The following MALRD1 variants were observed in gnomAD, a reference collection of about 807,000 sequenced individuals.
MALRD1 encodes MAM and LDL-receptor class A domain-containing protein 1.
In MALRD1, 247 loss-of-function variants were observed where a neutral mutation model predicts 242.1. The ratio of observed to expected loss-of-function variants is 1.02; its 90% confidence interval spans 0.92 to 1.13. The LOEUF (loss-of-function observed/expected upper bound fraction) is 1.13. Ranked by LOEUF, MALRD1 falls within the 50% of genes most tolerant of loss-of-function variation. MALRD1 has a pLI of 0.00. For synonymous variants in MALRD1, 995 were observed against 866.6 expected, an observed-to-expected ratio of 1.15 and a Z score of -2.60; for missense variants, 2,989 against 2,533.1, an observed-to-expected ratio of 1.18 and a Z score of -3.86.
chr10:19,138,998 C>T (rs1010831596), intron 10 of MALRD1, among the ~76,000 whole-genome samples: 4 of 152,190 alleles, frequency 2.6e-5, no homozygotes, highest in Admixed American at 2.6e-4. Flanking sequence ...AATAGTGTAA[C>T]CTCATTTGTC....
At chr10:19,190,844 A>G (rs1192569408) in intron 14 of MALRD1, among the ~76,000 whole-genome samples, 1 of 152,154 alleles carries the variant, frequency 6.6e-6, no homozygotes, top group Non-Finnish European at 1.5e-5. Context: ...ACCTAAAACT[A>G]TAAAACTCTT....
intron 2 of MALRD1, among the ~76,000 whole-genome samples, chr10:19,081,533 A>AT (rs1311356743): frequency 5.3e-5 from 8 of 152,122 alleles, no homozygotes; most frequent in Non-Finnish European, 1.2e-4. Flanking sequence ...CAAATACCAC[A>AT]TGTTCTCACT....
At chr10:19,273,960 C>T (rs1840378222) in intron 19 of MALRD1, among the ~76,000 whole-genome samples, 1 of 152,070 alleles carries the variant, frequency 6.6e-6, no homozygotes, top group Non-Finnish European at 1.5e-5. Flanking sequence ...AGGATGGCCA[C>T]TATCCAAATA....
Position 19,155,122 on chromosome 10 carries a change from C to T in MALRD1, c.1606C>T (p.Leu536Phe). ...EAQRSPGVAKLGSPVLTKLLT... is the reference protein window; with the variant it reads ...EAQRSPGVAKFGSPVLTKLLT... ...ACAGCGCTCCCCCGGGGTGGCCAAG[C>T]TTGGAAGTCCTGTTCTTACAAAATT... Residue 536 changes from leucine (L) to phenylalanine (F), a missense_variant, in exon 12 of 40, where the codon CTT (leucine) becomes TTT (phenylalanine). Leu to Phe is a conservative substitution (Grantham distance 22). Coordinates refer to ENST00000454679, the MANE Select transcript of MALRD1 (RefSeq NM_001142308.3). The T allele has an allele frequency of 8.1e-7, 1 of 1,231,558 alleles. No homozygotes were observed. Among genetic ancestry groups the T allele is most frequent in the Middle Eastern group, 3.1e-4 (1 of 3,208 alleles). The allele number at this position is 1,231,558 out of a possible 1,614,324, so 76.3% of individuals were successfully genotyped here.
At chr10:19,476,441 C>T (rs11010108) in intron 29 of MALRD1, among the ~76,000 whole-genome samples, 17,659 of 152,020 alleles carry the variant, frequency 0.12, 1,068 homozygotes, top group African/African-American at 0.14. Flanking sequence ...GTGTGTCCAG[C>T]TAAGAAGACA....
At chr10:19,313,982 A>C (rs79089058) in intron 21 of MALRD1, among the ~76,000 whole-genome samples, 3,214 of 151,702 alleles carry the variant, frequency 0.021, 63 homozygotes, top group African/African-American at 0.039. Context: ...AAGCACTCTG[A>C]TAAAATTGTA....
chr10:19,385,979 A>G (rs1366565762), intron 26 of MALRD1, among the ~76,000 whole-genome samples: 1 of 152,140 alleles, frequency 6.6e-6, no homozygotes, highest in Non-Finnish European at 1.5e-5. Flanking sequence ...GACAGAGTCC[A>G]TGGTTGAAGC....
At chr10:19,185,947 T>C (rs1415536228) in intron 14 of MALRD1, among the ~76,000 whole-genome samples, 1 of 152,082 alleles carries the variant, frequency 6.6e-6, no homozygotes, top group African/African-American at 2.4e-5. Context: ...AATTATAATA[T>C]TAAAGGATTT....
chr10:19,545,014 A>T (rs1396448618), intron 32 of MALRD1, among the ~76,000 whole-genome samples: 1 of 152,186 alleles, frequency 6.6e-6, no homozygotes, highest in South Asian at 2.1e-4. Flanking sequence ...AACAATAGAA[A>T]TGTATTTCCT....
In MALRD1 at chr10:19,095,603, A is replaced by C. The variant is rs186709113; in HGVS notation, c.597+7418A>C. On this transcript the variant is annotated intron_variant, in intron 4 of 39. Coordinates refer to ENST00000454679, the MANE Select transcript of MALRD1 (RefSeq NM_001142308.3). ...CAATGAAGGGAAGGTTCCCTACACC[A>C]TGTTAAGGGAAGATGATTGATAGGT... Among the ~76,000 whole-genome samples the C allele has an allele frequency of 1.6e-4, 24 of 152,200 alleles. 1 individual carries two copies. In the South Asian group the frequency reaches 2.5e-3, roughly 16 times the overall value.
chr10:19,323,415 T>C (rs2130893720), intron 21 of MALRD1, among the ~76,000 whole-genome samples: 1 of 152,314 alleles, frequency 6.6e-6, no homozygotes, highest in South Asian at 2.1e-4. Flanking sequence ...GTAGTTTCAG[T>C]CTTTGTCATA....
At chr10:19,178,432 T>C (rs762494500) in intron 14 of MALRD1, among the ~76,000 whole-genome samples, 1 of 152,138 alleles carries the variant, frequency 6.6e-6, no homozygotes, top group Non-Finnish European at 1.5e-5. Flanking sequence ...TAAATTGTTA[T>C]ATGTATGGAG....
rs550016668 is a variant in MALRD1 at position 19,236,993 on chromosome 10, T to C, written c.2992-20691T>C. On this transcript the variant is annotated intron_variant, in intron 18 of 39. Coordinates refer to ENST00000454679, the MANE Select transcript of MALRD1 (RefSeq NM_001142308.3). ...AAAATTGTTATTTAATTCATTAATT[T>C]ATTTTTTAAAAATTTTCACATTGTA... Among the ~76,000 whole-genome samples, 3 of 152,148 alleles carry C rather than the reference T, an allele frequency of 2.0e-5. No homozygotes were observed. The East Asian group carries it at 5.8e-4, about 29-fold the overall frequency.
intron 19 of MALRD1, among the ~76,000 whole-genome samples, chr10:19,265,777 T>C (rs2131832143): frequency 6.6e-6 from 1 of 152,230 alleles, no homozygotes; most frequent in African/African-American, 2.4e-5. Context: ...CTTAATTGAT[T>C]TTCTGTCTAT....
chr10:19,644,820 T>A (rs569611085), intron 36 of MALRD1, among the ~76,000 whole-genome samples: 1 of 152,284 alleles, frequency 6.6e-6, no homozygotes, highest in African/African-American at 2.4e-5. Flanking sequence ...AAAATTGGAA[T>A]GTAAACCAAA....
At chr10:19,266,879 G>A (rs1839995506) in intron 19 of MALRD1, among the ~76,000 whole-genome samples, 1 of 151,924 alleles carries the variant, frequency 6.6e-6, no homozygotes, top group East Asian at 1.9e-4. Context: ...ATTAGATATA[G>A]GAATGATGAT....
At chr10:19,200,300 T>G (rs2131605337) in intron 14 of MALRD1, among the ~76,000 whole-genome samples, 1 of 152,374 alleles carries the variant, frequency 6.6e-6, no homozygotes, top group South Asian at 2.1e-4. Flanking sequence ...TTTTTAAAAT[T>G]ACTACTCACA....
At chr10:19,452,500 A>G (rs1246186589) in intron 29 of MALRD1, among the ~76,000 whole-genome samples, 5 of 152,228 alleles carry the variant, frequency 3.3e-5, no homozygotes, top group Admixed American at 2.6e-4. Flanking sequence ...AGTAAATTAC[A>G]CATTTAATAC....
At chr10:19,644,977 G>C (rs189988307) in intron 36 of MALRD1, among the ~76,000 whole-genome samples, 2 of 152,110 alleles carry the variant, frequency 1.3e-5, no homozygotes, top group African/African-American at 2.4e-5. Flanking sequence ...TTTGATAATA[G>C]AATGAAGCAA....
Sources: allele counts gnomAD v4.1 joint callset (sites outside exome capture counted in the v4.1 genomes callset), GRCh38; gene constraint gnomAD v4.1.1; transcripts MANE v1.5; gene names NCBI Gene and HGNC (gene_info 2026-07-23, HGNC 2026-07-21).